Variants in CFAP43 observed in about 807,000 individuals in gnomAD.
The protein encoded by CFAP43 is cilia- and flagella-associated protein 43.
In CFAP43, 155 loss-of-function variants were observed where a neutral mutation model predicts 218.9. That is an observed-to-expected ratio of 0.71 (90% confidence interval 0.62 to 0.81). CFAP43 has a LOEUF of 0.81. CFAP43 is among the 30% of genes least tolerant of loss of function. CFAP43 has a pLI of 0.00. For missense variants in CFAP43, 1,778 were observed against 1,954.3 expected, an observed-to-expected ratio of 0.91 and a Z score of 1.70; for synonymous variants, 645 against 681.3, an observed-to-expected ratio of 0.95 and a Z score of 0.83.
At chr10:104,175,129 T>C (rs2089576567) in intron 19 of CFAP43, among the ~76,000 whole-genome samples, 1 of 151,740 alleles carries the variant, frequency 6.6e-6, no homozygotes, top group Non-Finnish European at 1.5e-5. Flanking sequence ...AAAAGTTATA[T>C]ATTTTAAAAG....
At chr10:104,164,744 T>A (rs2089067144) in intron 23 of CFAP43, among the ~76,000 whole-genome samples, 1 of 152,340 alleles carries the variant, frequency 6.6e-6, no homozygotes, top group East Asian at 1.9e-4. Context: ...TCTAGAATAC[T>A]ACTTAATATT....
At chr10:104,161,920 C>T (rs767439778) in intron 26 of CFAP43, 41 bp downstream of exon 26, 3 of 1,574,812 alleles carry the variant, frequency 1.9e-6, no homozygotes, top group Admixed American at 1.8e-5. Flanking sequence ...TAGCTCTTTC[C>T]ACCCCATTCC....
chr10:104,214,397 T>C lies in CFAP43; in HGVS notation c.446A>G (p.Lys149Arg), dbSNP rs760974312. ...CACATCCATTCCAGGCTGTGATTTC[T>C]TACACAAAATGATACTCGATTCCCA... ...WNWESSIILCKKSQPGMDVNQ... is the reference protein window; with the variant it reads ...WNWESSIILCRKSQPGMDVNQ... Residue 149 changes from lysine to arginine, a missense_variant, in exon 4 of 38, where the codon AAG (lysine) becomes AGG (arginine). Lys to Arg is a conservative substitution (Grantham distance 26). Transcript: ENST00000357060. 1.9e-6 allele frequency: 3 copies of C among 1,598,754 alleles called. No individual in the cohort carries two copies. Among genetic ancestry groups the C allele is most frequent in the Non-Finnish European group, 2.6e-6 (3 of 1,172,544 alleles).
chr10:104,145,537 A>C lies in CFAP43; in HGVS notation c.3883T>G (p.Phe1295Val), dbSNP rs2087922575. ...KVMDRSFKKE[F>V]SEIPGHQVDI... ...ACTTGATGACCAGGAATTTCAGAAA[A>C]TTCCTTTTTAAAGCTGCGATCCATA... is the stretch of plus-strand genomic sequence containing the variant. Residue 1295 changes from phenylalanine (F) to valine (V), a missense_variant, in exon 31 of 38, where the codon TTT (phenylalanine) becomes GTT (valine). By Grantham distance (50) the Phe-to-Val change is conservative (BLOSUM62 -1). Coordinates refer to ENST00000357060, the MANE Select transcript of CFAP43 (RefSeq NM_025145.7). The C allele has an allele frequency of 1.2e-5, 19 of 1,603,372 alleles. No homozygotes were observed. Among genetic ancestry groups the C allele is most frequent in the Non-Finnish European group, 1.6e-5 (19 of 1,172,346 alleles).
chr10:104,183,819 A>G (rs1316067041), intron 16 of CFAP43, among the ~76,000 whole-genome samples: 1 of 152,168 alleles, frequency 6.6e-6, no homozygotes. Flanking sequence ...CTGAGATAGT[A>G]TTTGTTCGCT....
At chr10:104,225,352 A>C in intron 3 of CFAP43, 109 bp downstream of exon 3, 1 of 924,842 alleles carries the variant, frequency 1.1e-6, no homozygotes, top group African/African-American at 1.7e-5. Flanking sequence ...TTTTCCTTCT[A>C]TATTTCCTTG....
At position 104,185,999 on chromosome 10, in the gene CFAP43, A is replaced by G; in HGVS notation, c.1985T>C (p.Leu662Pro). The G allele has an allele frequency of 6.2e-7, 1 of 1,612,082 alleles. No homozygotes were observed. The highest frequency in any genetic ancestry group is 8.5e-7 in the Non-Finnish European group (1 of 1,179,500). ...WLITIAKCGI[L>P]CIRDVYTLET... is the part of the protein sequence containing the mutation. The stretch of plus-strand genomic sequence containing the variant: ...CAAAGTATAAACGTCTCGGATACAC[A>G]GAATTCCACATTTAGCTATTGTTAT... The change falls in exon 15 of 38, where the codon CTG (leucine) becomes CCG (proline). Residue 662 changes from leucine (L) to proline (P), a missense_variant. Physicochemically the swap from Leu to Pro is moderately conservative, Grantham distance 98. Around this residue, in one of 3 missense-constraint regions of CFAP43, gnomAD observed 1,553 missense variants for 1,685.2 expected, o/e 0.92. Coordinates refer to ENST00000357060, the MANE Select transcript of CFAP43 (RefSeq NM_025145.7).
intron 5 of CFAP43, among the ~76,000 whole-genome samples, chr10:104,209,530 C>A (rs1056707061): frequency 1.3e-5 from 2 of 152,150 alleles, no homozygotes; most frequent in Admixed American, 1.3e-4. Context: ...AATAACTCCA[C>A]ATTTGAGTAT....
intron 23 of CFAP43, among the ~76,000 whole-genome samples, chr10:104,165,701 G>A (rs2089119577): frequency 6.6e-6 from 1 of 152,154 alleles, no homozygotes; most frequent in Non-Finnish European, 1.5e-5. Flanking sequence ...GGAAAGTTAA[G>A]GAGTAGGAGC....
chr10:104,201,736 G>A (rs1174988140), intron 8 of CFAP43, among the ~76,000 whole-genome samples: 1 of 150,192 alleles, frequency 6.7e-6, no homozygotes, highest in African/African-American at 2.5e-5. Flanking sequence ...CTTCTACAAT[G>A]TGTCATTCTC....
At chr10:104,225,948 C>T (rs972040945) in intron 2 of CFAP43, among the ~76,000 whole-genome samples, 3 of 152,218 alleles carry the variant, frequency 2.0e-5, no homozygotes, top group African/African-American at 7.2e-5. Flanking sequence ...ATAATTCTAG[C>T]TTACTTCCTT....
chr10:104,158,593 A>C (rs932532319), intron 27 of CFAP43, among the ~76,000 whole-genome samples: 2 of 152,256 alleles, frequency 1.3e-5, no homozygotes, highest in Non-Finnish European at 2.9e-5. Context: ...GGAGACTAAA[A>C]GAACATTACA....
intron 37 of CFAP43, among the ~76,000 whole-genome samples, chr10:104,130,998 CAAAAAAAAAAAAAA>C (rs1163188252): frequency 0.046 from 2,636 of 56,772 alleles, 122 homozygotes; most frequent in African/African-American, 0.15. Context: ...CACCCTGTCT[CAAAAAAAAAAAAAA>C]AAAAAAAAAG....
chr10:104,131,552 CATT>C lies in CFAP43; in HGVS notation c.4678-71_4678-69del, dbSNP rs1024088966. The C allele has an allele frequency of 9.5e-6, 14 of 1,472,052 alleles. No individual in the cohort carries two copies. The African/African-American group carries it at 2.0e-4, about 21-fold the overall frequency. The allele number at this position is 1,472,052 out of a possible 1,614,324, so 91.2% of individuals were successfully genotyped here. A position where few individuals can be genotyped will look rare whatever the true frequency, so the allele number is the denominator to read the frequency against. ...AAAAATGTAATTTATCCTATAAAGA[CATT>C]ATTCTTATATTTTAAATACATTATC... On this transcript the variant is annotated intron_variant, in intron 36 of 37. Transcript: ENST00000357060.
intron 32 of CFAP43, among the ~76,000 whole-genome samples, chr10:104,142,926 G>A (rs2087776665): frequency 6.6e-6 from 1 of 152,074 alleles, no homozygotes; most frequent in Non-Finnish European, 1.5e-5. Context: ...AATATAACGT[G>A]AGCCATAAAT....
chr10:104,190,556 T>A (rs1247091542), intron 12 of CFAP43, among the ~76,000 whole-genome samples: 1 of 152,206 alleles, frequency 6.6e-6, no homozygotes, highest in Non-Finnish European at 1.5e-5. Flanking sequence ...ATATCCCGAT[T>A]TCCAAACTTA....
chr10:104,229,905 AG>A (rs1489873023), intron 2 of CFAP43, among the ~76,000 whole-genome samples: 1 of 152,160 alleles, frequency 6.6e-6, no homozygotes, highest in Admixed American at 6.5e-5. Flanking sequence ...AAGAAAAAAA[AG>A]TCATTGCTCT....
Position 104,188,255 on chromosome 10 carries a change from T to G in CFAP43, c.1687+15A>C, listed in dbSNP as rs368398880. ...TGGGCTCAGGAGCAGAACTGGCTGC[T>G]TATGTTTTCCTTACCTTGTGGCAGT... On this transcript the variant is annotated intron_variant, in intron 13 of 37. Transcript: ENST00000357060. The G allele has an allele frequency of 6.2e-7, 1 of 1,612,598 alleles. No individual in the cohort carries two copies. The highest frequency in any genetic ancestry group is 1.3e-5 in the African/African-American group (1 of 74,890).
intron 19 of CFAP43, among the ~76,000 whole-genome samples, chr10:104,174,466 C>A (rs2089535044): frequency 6.6e-6 from 1 of 152,188 alleles, no homozygotes; most frequent in South Asian, 2.1e-4. Context: ...AAAGACCCGC[C>A]CCCATGATTC....
Sources: gnomAD v4.1 joint callset for allele counts (sites outside exome capture counted in the v4.1 genomes callset) on GRCh38, gnomAD v4.1.1 for gene constraint, gnomAD v4.1.1 regional missense constraint, MANE v1.5 for transcripts, NCBI Gene and HGNC (gene_info 2026-07-23, HGNC 2026-07-21) for gene names.